The following FSTL5 variants were observed in gnomAD, a reference collection of about 807,000 sequenced individuals.
FSTL5 encodes the protein follistatin like 5, also known as follistatin-related protein 5.
A neutral mutation model predicts 89.1 loss-of-function variants in FSTL5; 62 were observed. The ratio of observed to expected loss-of-function variants is 0.70; its 90% CI spans 0.57 to 0.86. FSTL5 has a LOEUF of 0.86. Ranked by LOEUF, FSTL5 falls within the 40% of genes least tolerant of loss-of-function variation. The pLI is 0.00. For missense variants in FSTL5, 1,057 were observed against 1,001.6 expected, an observed-to-expected ratio of 1.06 and a Z score of -0.75; for synonymous variants, 383 against 346.2, an observed-to-expected ratio of 1.11 and a Z score of -1.18.
chr4:161,424,081 G>T (rs1732089586), intron 15 of FSTL5, among the ~76,000 whole-genome samples: 1 of 115,030 alleles, frequency 8.7e-6, no homozygotes, highest in African/African-American at 3.4e-5. Context: ...GTTTCACTGT[G>T]TTGGCCAGGA....
chr4:162,064,505 T>A (rs1317450738), intron 2 of FSTL5, among the ~76,000 whole-genome samples: 1 of 151,982 alleles, frequency 6.6e-6, no homozygotes, highest in Non-Finnish European at 1.5e-5. Context: ...AGGTAAAAAG[T>A]AGTTTCTTTT....
intron 3 of FSTL5, among the ~76,000 whole-genome samples, chr4:161,990,919 T>C (rs1736093132): frequency 6.6e-6 from 1 of 152,102 alleles, no homozygotes; most frequent in South Asian, 2.1e-4. Flanking sequence ...TGTCCAAACT[T>C]GCTGTCTCCA....
chr4:162,149,712 T>G (rs1284548830), intron 1 of FSTL5, among the ~76,000 whole-genome samples: 1 of 152,146 alleles, frequency 6.6e-6, no homozygotes, highest in Non-Finnish European at 1.5e-5. Context: ...TATTTGTATC[T>G]GTGTGTGTAT....
At chr4:161,823,125 T>C (rs1288675995) in intron 4 of FSTL5, among the ~76,000 whole-genome samples, 2 of 151,998 alleles carry the variant, frequency 1.3e-5, no homozygotes, top group African/African-American at 4.8e-5. Context: ...TTGGCAGGTA[T>C]GAAAAAAAGC....
chr4:162,058,058 CTAAT>C (rs561486744), intron 2 of FSTL5, among the ~76,000 whole-genome samples: 154 of 152,140 alleles, frequency 1.0e-3, no homozygotes, highest in African/African-American at 3.3e-3. Context: ...ATGTTAGTAT[CTAAT>C]TAATTACATG....
At chr4:161,978,006 T>C (rs569221253) in intron 3 of FSTL5, among the ~76,000 whole-genome samples, 1 of 152,358 alleles carries the variant, frequency 6.6e-6, no homozygotes, top group South Asian at 2.1e-4. Context: ...TATGTCATTG[T>C]ACTGACAATA....
intron 4 of FSTL5, among the ~76,000 whole-genome samples, chr4:161,894,287 T>C (rs1733083941): frequency 6.6e-6 from 1 of 152,004 alleles, no homozygotes; most frequent in Admixed American, 6.6e-5. Flanking sequence ...ATGAAAAAAA[T>C]CAAGGACAAA....
chr4:161,806,496 A>C (rs1480800198), intron 4 of FSTL5, among the ~76,000 whole-genome samples: 2 of 152,150 alleles, frequency 1.3e-5, no homozygotes, highest in African/African-American at 4.8e-5. Context: ...AATGAAGGGC[A>C]AATATTATAA....
chr4:161,668,706 T>C (rs536502216), intron 6 of FSTL5, among the ~76,000 whole-genome samples: 1 of 152,210 alleles, frequency 6.6e-6, no homozygotes, highest in Admixed American at 6.5e-5. Context: ...CAAGAATGAG[T>C]CAACATTTAA....
intron 6 of FSTL5, among the ~76,000 whole-genome samples, chr4:161,690,628 T>C (rs1344273088): frequency 6.6e-6 from 1 of 152,156 alleles, no homozygotes; most frequent in Non-Finnish European, 1.5e-5. Flanking sequence ...TTAATAACAT[T>C]GGATCATTAA....
intron 6 of FSTL5, among the ~76,000 whole-genome samples, chr4:161,746,236 CTT>C (rs1157494321): frequency 6.6e-6 from 1 of 151,982 alleles, no homozygotes; most frequent in Non-Finnish European, 1.5e-5. Flanking sequence ...TTATTACTAA[CTT>C]TGAATTTATT....
chr4:161,915,083 T>G (rs2110843536), intron 4 of FSTL5, among the ~76,000 whole-genome samples: 1 of 152,338 alleles, frequency 6.6e-6, no homozygotes, highest in South Asian at 2.1e-4. Context: ...CTTTGGTTCC[T>G]GTCCCAGTTC....
At chr4:161,676,754 C>T (rs1212222229) in intron 6 of FSTL5, among the ~76,000 whole-genome samples, 1 of 151,676 alleles carries the variant, frequency 6.6e-6, no homozygotes, top group African/African-American at 2.4e-5. Flanking sequence ...CACGCACACA[C>T]ACACACACAC....
intron 15 of FSTL5, among the ~76,000 whole-genome samples, chr4:161,396,390 C>A (rs1379836620): frequency 6.6e-6 from 1 of 151,378 alleles, no homozygotes; most frequent in African/African-American, 2.4e-5. Flanking sequence ...GCCTGTAATC[C>A]CAGCACTTTG....
rs560807119 is a variant in FSTL5, at chr4:161,717,004, T to C, written c.727+42407A>G. On this transcript the variant is annotated intron_variant, in intron 6 of 15. Coordinates refer to ENST00000306100, the MANE Select transcript of FSTL5 (RefSeq NM_020116.5). ...TATGGTTAGAAAAGAGAAAAACTCCTAGGTTAGATATACAAATATTGTTGG... is the reference window on the plus strand; with the variant it reads ...TATGGTTAGAAAAGAGAAAAACTCCCAGGTTAGATATACAAATATTGTTGG... Among the ~76,000 whole-genome samples the C allele has an allele frequency of 2.8e-4, 42 of 152,298 alleles. No individual in the cohort carries two copies. In the South Asian group the frequency reaches 8.7e-3, roughly 32 times the overall value.
chr4:161,858,206 CCAGAATAGAGCCCT>C (rs1298699869), intron 4 of FSTL5, among the ~76,000 whole-genome samples: 1 of 152,044 alleles, frequency 6.6e-6, no homozygotes, highest in East Asian at 1.9e-4. Flanking sequence ...AGTCTGGAAC[CCAGAATAGAGCCCT>C]CATCAGAACT....
At chr4:161,408,927 C>A (rs1236757738) in intron 15 of FSTL5, among the ~76,000 whole-genome samples, 3 of 152,112 alleles carry the variant, frequency 2.0e-5, no homozygotes, top group Non-Finnish European at 4.4e-5. Flanking sequence ...TGTGAAGAGA[C>A]CATATCCATG....
At chr4:161,939,775 G>A (rs957795416) in intron 3 of FSTL5, among the ~76,000 whole-genome samples, 22 of 151,842 alleles carry the variant, frequency 1.4e-4, no homozygotes, top group Non-Finnish European at 2.9e-5. Context: ...TTATTTTAAA[G>A]CTATGTCCAA....
intron 5 of FSTL5, among the ~76,000 whole-genome samples, chr4:161,766,979 C>T (rs1321876353): frequency 6.6e-6 from 1 of 151,996 alleles, no homozygotes; most frequent in Admixed American, 6.6e-5. Context: ...GAATCTCAGG[C>T]CATTCGGTTA....
Sources: gnomAD v4.1 joint callset for allele counts (sites outside exome capture counted in the v4.1 genomes callset) on GRCh38, gnomAD v4.1.1 for gene constraint, MANE v1.5 for transcripts, NCBI Gene and HGNC (gene_info 2026-07-23, HGNC 2026-07-21) for gene names.